The following TBXAS1 variants were observed in gnomAD, a reference collection of about 807,000 sequenced individuals.
TBXAS1 encodes the protein thromboxane A synthase 1.
TBXAS1 carries 48 observed loss-of-function variants against 60.7 expected under a neutral mutation model. The observed-to-expected ratio is 0.79, with a 90% CI of 0.63 to 1.01. The LOEUF is 1.01. Among genes scored for constraint, TBXAS1 ranks in the 50% least tolerant of loss-of-function variants. TBXAS1 has a pLI of 0.00. For missense variants in TBXAS1, 685 were observed against 686.3 expected (o/e 1.00, Z 0.02); for synonymous variants, 287 against 269.7 (o/e 1.06, Z -0.63).
At chr7:140,000,779 T>G (rs1209975556) in intron 9 of TBXAS1, among the ~76,000 whole-genome samples, 1 of 152,252 alleles carries the variant, frequency 6.6e-6, no homozygotes, top group Non-Finnish European at 1.5e-5. Flanking sequence ...TTGATAGGAT[T>G]TTAGAATTTC....
intron 5 of TBXAS1, among the ~76,000 whole-genome samples, chr7:139,939,196 C>G (rs375358045): frequency 6.6e-6 from 1 of 152,068 alleles, no homozygotes; most frequent in Non-Finnish European, 1.5e-5. Flanking sequence ...GAAACCCTGT[C>G]TCTACTAAGA....
rs539201194 is a variant in TBXAS1, at chr7:140,012,752, C to T, written c.1227-2971C>T. Among the ~76,000 whole-genome samples the T allele has an allele frequency of 1.1e-4, 17 of 152,352 alleles. No individual in the cohort carries two copies. The South Asian group carries it at 2.9e-3, about 26-fold the overall frequency. On this transcript the variant is annotated intron_variant, in intron 10 of 12. Coordinates refer to ENST00000448866, the MANE Select transcript of TBXAS1 (RefSeq NM_001061.7). ...GGGATTACAGGCATGAGCCACCACA[C>T]ACCCGGCCATGACCAGAACTCTTGA...
intron 1 of TBXAS1, among the ~76,000 whole-genome samples, chr7:139,868,060 C>T (rs2116778564): frequency 6.6e-6 from 1 of 152,272 alleles, no homozygotes; most frequent in South Asian, 2.1e-4. Context: ...CTGTCTAAAG[C>T]TATATATACT....
At chr7:139,837,299 T>A (rs895311325) in intron 1 of TBXAS1, among the ~76,000 whole-genome samples, 12 of 152,200 alleles carry the variant, frequency 7.9e-5, no homozygotes, top group African/African-American at 2.7e-4. Context: ...GATCCAGCAA[T>A]TCCGCTACTG....
At chr7:139,840,144 T>A (rs896609951) in intron 1 of TBXAS1, among the ~76,000 whole-genome samples, 1 of 152,186 alleles carries the variant, frequency 6.6e-6, no homozygotes, top group Non-Finnish European at 1.5e-5. Flanking sequence ...TGCCTGGAAG[T>A]TCCTTTCCCA....
chr7:139,807,932 G>A (rs543159075), intron 4 of TBXAS1, among the ~76,000 whole-genome samples: 5 of 152,186 alleles, frequency 3.3e-5, no homozygotes, highest in Middle Eastern at 3.4e-3. Context: ...TCCCATCACC[G>A]CCAATCTCAA....
chr7:139,845,149 C>A (rs1437637947), intron 1 of TBXAS1, among the ~76,000 whole-genome samples: 1 of 152,138 alleles, frequency 6.6e-6, no homozygotes, highest in Admixed American at 6.5e-5. Flanking sequence ...TGGAAATAGC[C>A]TTCCCACGGG....
At chr7:139,779,242 G>T (rs73735623) in intron 1 of TBXAS1, among the ~76,000 whole-genome samples, 10,893 of 152,010 alleles carry the variant, frequency 0.072, 1,319 homozygotes, top group African/African-American at 0.25. Flanking sequence ...TATCCTTTCC[G>T]GTCTCCATCC....
At chr7:139,791,474 A>T (rs1797379239) in intron 4 of TBXAS1, among the ~76,000 whole-genome samples, 1 of 152,184 alleles carries the variant, frequency 6.6e-6, no homozygotes, top group Non-Finnish European at 1.5e-5. Context: ...ACTCAGTGAC[A>T]TGGCTACCTC....
intron 3 of TBXAS1, among the ~76,000 whole-genome samples, chr7:139,877,567 C>T (rs1423503350): frequency 2.0e-5 from 3 of 151,636 alleles, no homozygotes; most frequent in East Asian, 1.9e-4. Flanking sequence ...GGATTACAGG[C>T]GCCCGCCACC....
chr7:139,854,086 A>G (rs1487992906), intron 1 of TBXAS1, among the ~76,000 whole-genome samples: 2 of 152,042 alleles, frequency 1.3e-5, no homozygotes, highest in Admixed American at 6.5e-5. Flanking sequence ...GCAAGCACCT[A>G]GGCCCAAAAT....
At chr7:139,888,353 C>T (rs1268425672) in intron 3 of TBXAS1, among the ~76,000 whole-genome samples, 1 of 152,192 alleles carries the variant, frequency 6.6e-6, no homozygotes, top group East Asian at 1.9e-4. Context: ...GTGTCTGAAA[C>T]TCTTACTGAC....
chr7:139,811,087 A>T (rs1798012478), intron 4 of TBXAS1, among the ~76,000 whole-genome samples: 1 of 152,266 alleles, frequency 6.6e-6, no homozygotes, highest in South Asian at 2.1e-4. Flanking sequence ...CCTGAATTTA[A>T]TTCAAATTCG....
chr7:139,913,098 G>A (rs867411617), intron 4 of TBXAS1: 25 of 702,316 alleles, frequency 3.6e-5, no homozygotes, highest in African/African-American at 7.0e-5. Flanking sequence ...CAGACATCAC[G>A]TGGCCTCTAG....
chr7:140,011,581 C>A (rs1814623872), intron 10 of TBXAS1, among the ~76,000 whole-genome samples: 1 of 152,162 alleles, frequency 6.6e-6, no homozygotes, highest in African/African-American at 2.4e-5. Flanking sequence ...CAACAGGGAA[C>A]AGATTTTCAA....
intron 9 of TBXAS1, among the ~76,000 whole-genome samples, chr7:140,000,306 C>T (rs780941376): frequency 7.2e-5 from 11 of 152,000 alleles, no homozygotes; most frequent in Non-Finnish European, 1.6e-4. Flanking sequence ...TCAACACAAG[C>T]CTGGGCAACA....
At chr7:139,939,822 AGGG>A (rs1458607716) in intron 5 of TBXAS1, among the ~76,000 whole-genome samples, 2 of 152,316 alleles carry the variant, frequency 1.3e-5, no homozygotes, top group South Asian at 2.1e-4. Context: ...AGAATGTGGA[AGGG>A]GAAAGCATTT....
At chr7:140,019,218 A>G (rs2116484934) in intron 12 of TBXAS1, among the ~76,000 whole-genome samples, 1 of 152,332 alleles carries the variant, frequency 6.6e-6, no homozygotes, top group East Asian at 1.9e-4. Flanking sequence ...GAGATACTGA[A>G]AGTGAACGCA....
intron 1 of TBXAS1, among the ~76,000 whole-genome samples, chr7:139,855,337 A>C (rs1223561947): frequency 6.6e-6 from 1 of 152,206 alleles, no homozygotes; most frequent in Non-Finnish European, 1.5e-5. Flanking sequence ...CAATGTGTTC[A>C]AACTCCCATT....
Sources: gnomAD v4.1 joint callset for allele counts (sites outside exome capture counted in the v4.1 genomes callset) on GRCh38, gnomAD v4.1.1 for gene constraint, MANE v1.5 for transcripts, NCBI Gene and HGNC (gene_info 2026-07-23, HGNC 2026-07-21) for gene names.